SEL1L2: variants seen among roughly 807,000 people sequenced by gnomAD.
SEL1L2 encodes protein sel-1 homolog 2.
A neutral mutation model predicts 98.8 loss-of-function variants in SEL1L2; 89 were observed. That is an observed-to-expected ratio of 0.90 (90% CI 0.76 to 1.07). The LOEUF is 1.07. SEL1L2 is among the 50% of genes least tolerant of loss of function. The pLI, the probability that SEL1L2 is intolerant of heterozygous loss-of-function variation, is 0.00. For synonymous variants in SEL1L2, 262 were observed against 278.5 expected, an observed-to-expected ratio of 0.94 and a Z score of 0.59; for missense variants, 788 against 812.0, an observed-to-expected ratio of 0.97 and a Z score of 0.36.
At chr20:13,930,212 G>A (rs2048101278) in intron 3 of SEL1L2, among the ~76,000 whole-genome samples, 1 of 152,230 alleles carries the variant, frequency 6.6e-6, no homozygotes, top group Non-Finnish European at 1.5e-5. Context: ...TTTGCTTGAA[G>A]AGCATCACTA....
intron 5 of SEL1L2, among the ~76,000 whole-genome samples, chr20:13,889,905 A>G (rs1311593368): frequency 6.6e-6 from 1 of 152,248 alleles, no homozygotes; most frequent in Non-Finnish European, 1.5e-5. Context: ...GAATAAAAAA[A>G]TCAAAGGCTG....
At chr20:13,977,516 G>A (rs1288863430) in intron 1 of SEL1L2, among the ~76,000 whole-genome samples, 2 of 152,122 alleles carry the variant, frequency 1.3e-5, no homozygotes, top group Non-Finnish European at 2.9e-5. Context: ...ATTAGGAGCA[G>A]GTAGAAGGCT....
At chr20:13,868,852 C>T (rs1417834206) in intron 14 of SEL1L2, among the ~76,000 whole-genome samples, 2 of 152,206 alleles carry the variant, frequency 1.3e-5, no homozygotes, top group South Asian at 2.1e-4. Context: ...CCCGCCTCGG[C>T]CTCCCAAAGT....
At chr20:13,933,437 C>A (rs868852412) in intron 2 of SEL1L2, among the ~76,000 whole-genome samples, 1 of 152,136 alleles carries the variant, frequency 6.6e-6, no homozygotes, top group Non-Finnish European at 1.5e-5. Context: ...CCTCCCTACC[C>A]CAGCCCTAAG....
chr20:13,909,565 A>C (rs539124002), intron 5 of SEL1L2, among the ~76,000 whole-genome samples: 8 of 152,318 alleles, frequency 5.3e-5, no homozygotes, highest in African/African-American at 1.7e-4. Flanking sequence ...TGCTTGCTAG[A>C]TCATGTGAAG....
At chr20:13,882,776 T>C (rs945079865) in intron 10 of SEL1L2, among the ~76,000 whole-genome samples, 11 of 151,428 alleles carry the variant, frequency 7.3e-5, no homozygotes, top group African/African-American at 2.7e-4. Flanking sequence ...TTTTTAAAAA[T>C]GCAGACAAAG....
chr20:13,972,255 C>T (rs1174392010), intron 1 of SEL1L2, among the ~76,000 whole-genome samples: 1 of 152,198 alleles, frequency 6.6e-6, no homozygotes, highest in African/African-American at 2.4e-5. Context: ...AACACAGATT[C>T]ATTCAGATGT....
intron 1 of SEL1L2, among the ~76,000 whole-genome samples, chr20:13,958,667 T>A (rs2050649250): frequency 6.6e-6 from 1 of 151,970 alleles, no homozygotes; most frequent in Non-Finnish European, 1.5e-5. Context: ...CTGGGCGCGG[T>A]GGCTCACGCC....
intron 4 of SEL1L2, among the ~76,000 whole-genome samples, chr20:13,916,609 C>G (rs892515572): frequency 6.6e-6 from 1 of 152,136 alleles, no homozygotes; most frequent in Non-Finnish European, 1.5e-5. Flanking sequence ...AGTTTGAGAC[C>G]AGCCTGACCA....
rs752760670 is a variant in SEL1L2, at chr20:13,887,998, G to A, written c.607C>T (p.Leu203=). The part of the protein sequence containing the change: ...IGMEYDQAKA[L]IYYTFGSAGG... ...GCACTTCCAAAGGTGTAATATATCA[G>A]TGCCTAAAGTAAAAACAAACAAACA... The change falls in exon 7 of 20, where the codon CTG becomes TTG. Residue 203 remains leucine, a synonymous_variant. Coordinates refer to ENST00000284951, the MANE Select transcript of SEL1L2 (RefSeq NM_025229.2). 29 of 1,612,442 alleles carry A rather than the reference G, an allele frequency of 1.8e-5. No homozygotes were observed. The highest frequency in any genetic ancestry group is 2.4e-5 in the Non-Finnish European group (28 of 1,179,496).
intron 4 of SEL1L2, among the ~76,000 whole-genome samples, chr20:13,917,501 A>T (rs1164171182): frequency 6.6e-6 from 1 of 152,242 alleles, no homozygotes; most frequent in African/African-American, 2.4e-5. Flanking sequence ...TTACACATGT[A>T]AAGTACCTAA....
In SEL1L2 at chr20:13,939,040, G is replaced by GGTTTTTTTTTTTTTTTTTTTTTT; in HGVS notation, c.115-7270_115-7269insAAAAAAAAAAAAAAAAAAAAAAC. Among the ~76,000 whole-genome samples, 253 of 114,062 alleles carry GGTTTTTTTTTTTTTTTTTTTTTT rather than the reference G, an allele frequency of 2.2e-3. 36 individuals are homozygous for GGTTTTTTTTTTTTTTTTTTTTTT. The highest frequency in any genetic ancestry group is 3.2e-3 in the African/African-American group (92 of 28,884). The allele number at this position is 114,062 out of a possible 152,430, so 74.8% of individuals were successfully genotyped here. On this transcript the variant is annotated intron_variant, in intron 2 of 19. Transcript: ENST00000284951. ...TCTTTTTGGTTTGTTTGCTTGTTTT[G>GGTTTTTTTTTTTTTTTTTTTTTT]TTTTTTTTTTTTTTTTTTTCTGAGA...
chr20:13,986,244 G>A (rs567908557), intron 1 of SEL1L2, among the ~76,000 whole-genome samples: 89 of 152,248 alleles, frequency 5.8e-4, no homozygotes, highest in Admixed American at 5.7e-3. Flanking sequence ...AAAAAAAATT[G>A]AGGTGAAATC....
intron 11 of SEL1L2, among the ~76,000 whole-genome samples, chr20:13,877,150 G>A (rs551483872): frequency 5.9e-5 from 9 of 152,170 alleles, no homozygotes; most frequent in African/African-American, 1.7e-4. Context: ...GGCTGCTTTT[G>A]GTGCCCCAGA....
intron 12 of SEL1L2, among the ~76,000 whole-genome samples, chr20:13,870,949 T>TAGATTG (rs2046163400): frequency 8.3e-6 from 1 of 119,764 alleles, no homozygotes; most frequent in Admixed American, 8.8e-5. Context: ...AAAAAAGAAA[T>TAGATTG]AGATTGAGAG....
rs181885730 is a variant in SEL1L2 at position 13,965,514 on chromosome 20, G to C, written c.59-9383C>G. 7.2e-5 allele frequency among the ~76,000 whole-genome samples: 11 copies of C among 152,268 alleles called. No homozygotes were observed. The East Asian group carries it at 2.1e-3, about 29-fold the overall frequency. On this transcript the variant is annotated intron_variant, in intron 1 of 19. Transcript: ENST00000284951. Reference sequence around the variant, plus strand: ...TCTGAGGAAAGCACAGCGTAAATCAGACCCAGTCATTTCATGCCTGCATTC... The same window carrying C: ...TCTGAGGAAAGCACAGCGTAAATCACACCCAGTCATTTCATGCCTGCATTC...
At chr20:13,976,990 GA>G (rs1428453188) in intron 1 of SEL1L2, among the ~76,000 whole-genome samples, 1 of 152,146 alleles carries the variant, frequency 6.6e-6, no homozygotes, top group Admixed American at 6.6e-5. Context: ...ATACTTAGGG[GA>G]ATTAGAACTG....
intron 2 of SEL1L2, among the ~76,000 whole-genome samples, chr20:13,938,359 G>A (rs1402505448): frequency 5.9e-5 from 9 of 152,106 alleles, no homozygotes; most frequent in East Asian, 3.9e-4. Context: ...GATTACAGGC[G>A]TAAGCCACTG....
intron 2 of SEL1L2, 132 bp from the exon 3 acceptor site, chr20:13,931,903 T>C: frequency 1.5e-6 from 1 of 645,778 alleles, no homozygotes; most frequent in Non-Finnish European, 2.3e-6. Context: ...TTCTTGCTTT[T>C]TTCAAATCAA....
Sources: allele counts gnomAD v4.1 joint callset (sites outside exome capture counted in the v4.1 genomes callset), GRCh38; gene constraint gnomAD v4.1.1; transcripts MANE v1.5; gene names NCBI Gene and HGNC (gene_info 2026-07-23, HGNC 2026-07-21).